RNF17: variants seen among roughly 807,000 people sequenced by gnomAD.
RNF17 encodes the protein spermatogenesis associated 23.
A neutral mutation model predicts 200.5 loss-of-function variants in RNF17; 31 were observed. The ratio of observed to expected loss-of-function variants is 0.15; its 90% CI spans 0.12 to 0.21. The LOEUF is 0.21. Among genes scored for constraint, RNF17 ranks in the 10% least tolerant of loss-of-function variants. RNF17 has a pLI of 1.00. For synonymous variants in RNF17, 606 were observed against 637.8 expected, an observed-to-expected ratio of 0.95 and a Z score of 0.75; for missense variants, 1,628 against 1,905.1, an observed-to-expected ratio of 0.85 and a Z score of 2.71.
At chr13:24,802,678 C>A in intron 14 of RNF17, 107 bp downstream of exon 14, 1 of 778,480 alleles carries the variant, frequency 1.3e-6, no homozygotes, top group East Asian at 2.7e-5. Flanking sequence ...CTTAACATAC[C>A]TGAAGAAGTG....
chr13:24,759,567 A>T (rs9578780), upstream of RNF17, among the ~76,000 whole-genome samples: 32,221 of 152,150 alleles, frequency 0.21, 3,790 homozygotes, highest in South Asian at 0.34. Context: ...AAGATGTTGT[A>T]GTTGTCATCT....
intron 28 of RNF17, among the ~76,000 whole-genome samples, 161 bp from the exon 29 acceptor site, chr13:24,864,712 C>T (rs1242743345): frequency 1.3e-5 from 2 of 152,060 alleles, no homozygotes; most frequent in Admixed American, 1.3e-4. Context: ...TCCCTTATAG[C>T]GCGTCAAAAT....
chr13:24,859,606 AAT>A (rs970040859), intron 26 of RNF17, among the ~76,000 whole-genome samples: 5 of 150,764 alleles, frequency 3.3e-5, no homozygotes, highest in East Asian at 1.9e-4. Context: ...CATCCTTTGA[AAT>A]ATATATATAT....
Position 24,789,384 on chromosome 13 carries a change from T to A in RNF17, c.820T>A (p.Leu274Ile). The A allele has an allele frequency of 6.2e-7, 1 of 1,605,794 alleles. No homozygotes were observed. Among genetic ancestry groups the A allele is most frequent in the Non-Finnish European group, 8.5e-7 (1 of 1,173,898 alleles). ...TTTGCAGTTAACTTCAGATAGTGAATTAGCACAAGTTAGTTCTCCACAACT... is the reference window on the plus strand; with the variant it reads ...TTTGCAGTTAACTTCAGATAGTGAAATAGCACAAGTTAGTTCTCCACAACT... Reference protein sequence around the residue: ...RTLQLTSDSELAQVSSPQLRN... With the variant: ...RTLQLTSDSEIAQVSSPQLRN... The change falls in exon 8 of 36, where the codon TTA becomes ATA. Residue 274 changes from leucine (L) to isoleucine (I), a missense_variant. Around this residue, in one of 5 missense-constraint regions of RNF17, gnomAD observed 502 missense variants for 501.7 expected, o/e 1.00. Transcript: ENST00000255324.
intron 24 of RNF17, among the ~76,000 whole-genome samples, chr13:24,852,182 A>G (rs1045388768): frequency 1.4e-5 from 2 of 140,062 alleles, no homozygotes; most frequent in African/African-American, 2.7e-5. Context: ...TCTGTCACCC[A>G]GGCTGGAGTG....
rs1889459391 is a variant in RNF17, at chr13:24,831,920, A to G, written c.2424A>G (p.Glu808=). Residue 808 remains glutamate, a synonymous_variant, in exon 18 of 36, where the codon GAA becomes GAG. Transcript: ENST00000255324. ...AAAGGACAATGCAGTGGTCCAAAGA[A>G]GCTAAAGAAAAATTTGAAGAAAAGG... ...PYKRTMQWSK[E]AKEKFEEKAQ... is the part of the protein sequence containing the mutation. 1 of 1,607,994 alleles carries G rather than the reference A, an allele frequency of 6.2e-7. No homozygotes were observed. The highest frequency in any genetic ancestry group is 8.5e-7 in the Non-Finnish European group (1 of 1,176,196).
intron 3 of RNF17, 87 bp downstream of exon 3, chr13:24,774,991 A>T: frequency 1.1e-6 from 1 of 883,044 alleles, no homozygotes; most frequent in Non-Finnish European, 1.8e-6. Context: ...GTCATCCTTA[A>T]GTCTGCATTT....
chr13:24,800,566 G>A lies in RNF17; in HGVS notation c.1758+32G>A, dbSNP rs578158017. The A allele has an allele frequency of 1.6e-5, 25 of 1,593,148 alleles. No homozygotes were observed. In the South Asian group the frequency reaches 2.8e-4, roughly 18 times the overall value. On this transcript the variant is annotated intron_variant, in intron 13 of 35. Coordinates refer to ENST00000255324, the MANE Select transcript of RNF17 (RefSeq NM_031277.3). ...GAGACTTTAATTATTTTTTCCTTCA[G>A]AGGTTATTACAATTTTAGCTATGTA...
intron 13 of RNF17, among the ~76,000 whole-genome samples, chr13:24,802,050 G>C (rs1328124784): frequency 6.6e-6 from 1 of 151,948 alleles, no homozygotes; most frequent in Non-Finnish European, 1.5e-5. Flanking sequence ...GCAGTGGCAT[G>C]ATCTCGGCTC....
chr13:24,877,216 T>G, intron 34 of RNF17, 30 bp downstream of exon 34: 1 of 1,568,386 alleles, frequency 6.4e-7, no homozygotes. Context: ...AAAATTATTG[T>G]AAAGCTATTT....
intron 22 of RNF17, among the ~76,000 whole-genome samples, chr13:24,849,522 G>C (rs1009757904): frequency 1.3e-5 from 2 of 152,144 alleles, no homozygotes; most frequent in African/African-American, 2.4e-5. Context: ...AATTCTTCCA[G>C]TGTGGCCCAG....
upstream of RNF17, among the ~76,000 whole-genome samples, chr13:24,760,495 T>C (rs1256905997): frequency 6.6e-6 from 1 of 152,182 alleles, no homozygotes; most frequent in Non-Finnish European, 1.5e-5. Flanking sequence ...ATTAGAGATT[T>C]AAAAGACCTG....
At chr13:24,812,684 C>CCT (rs1395529489) in intron 15 of RNF17, among the ~76,000 whole-genome samples, 2 of 86,940 alleles carry the variant, frequency 2.3e-5, no homozygotes, top group African/African-American at 8.2e-5. Flanking sequence ...GCCCCACCCC[C>CCT]TTTTTTTTTT....
At chr13:24,870,110 T>G (rs1162337382) in intron 31 of RNF17, among the ~76,000 whole-genome samples, 1 of 151,476 alleles carries the variant, frequency 6.6e-6, no homozygotes, top group Non-Finnish European at 1.5e-5. Flanking sequence ...CGCGGCTAAT[T>G]TTTGTTTTTG....
chr13:24,886,034 CA>C, the RNF17 span: 4 of 370,478 alleles, frequency 1.1e-5, no homozygotes, highest in East Asian at 2.7e-4. Flanking sequence ...TTAGTTAAAA[CA>C]TAAATGCCCT....
chr13:24,798,577 C>T (rs1329296558), intron 11 of RNF17, among the ~76,000 whole-genome samples: 1 of 152,136 alleles, frequency 6.6e-6, no homozygotes, highest in Non-Finnish European at 1.5e-5. Flanking sequence ...TCTAAGACTA[C>T]CTGAGTTCTC....
chr13:24,868,628 C>T lies in RNF17; in HGVS notation c.4190C>T (p.Pro1397Leu), dbSNP rs200436415. Residue 1397 changes from proline to leucine, a missense_variant, in exon 31 of 36, where the codon CCT (proline) becomes CTT (leucine). Physicochemically the swap from Pro to Leu is moderately conservative, Grantham distance 98. Coordinates refer to ENST00000255324, the MANE Select transcript of RNF17 (RefSeq NM_031277.3). Reference protein sequence around the residue: ...EELLSAETDTPLLPPYLSSSL... With the variant: ...EELLSAETDTLLLPPYLSSSL... ...TTGCTTTCGGCTGAAACAGACACTC[C>T]TCTTTTACCACCATATTTGTCTTCA... 1.9e-6 allele frequency: 3 copies of T among 1,608,550 alleles called. No individual in the cohort carries two copies. The highest frequency in any genetic ancestry group is 2.7e-5 in the African/African-American group (2 of 74,894).
chr13:24,759,420 T>C (rs1878496610), upstream of RNF17, among the ~76,000 whole-genome samples: 1 of 152,228 alleles, frequency 6.6e-6, no homozygotes, highest in African/African-American at 2.4e-5. Flanking sequence ...AATAAATTGC[T>C]AACCACATAC....
At chr13:24,876,953 T>G in intron 33 of RNF17, 44 bp from the exon 34 acceptor site, 1 of 1,481,176 alleles carries the variant, frequency 6.8e-7, no homozygotes, top group South Asian at 1.3e-5. Context: ...TTGGATAGTT[T>G]CAGCCGGAAG....
Sources: allele counts gnomAD v4.1 joint callset (sites outside exome capture counted in the v4.1 genomes callset), GRCh38; gene constraint gnomAD v4.1.1; regional missense constraint gnomAD v4.1.1; transcripts MANE v1.5; gene names NCBI Gene and HGNC (gene_info 2026-07-23, HGNC 2026-07-21).